Variants in SLCO1B1 observed in about 807,000 individuals in gnomAD.
The protein encoded by SLCO1B1 is solute carrier organic anion transporter family member 1B1, also known as OATP-2.
In SLCO1B1, 81 loss-of-function variants were observed where a neutral mutation model predicts 70.1. The ratio of observed to expected loss-of-function variants is 1.16; its 90% confidence interval spans 0.97 to 1.39. SLCO1B1 has a LOEUF of 1.39. Among genes scored for constraint, SLCO1B1 ranks in the 40% most tolerant of loss-of-function variants. SLCO1B1 has a pLI of 0.00. For synonymous variants in SLCO1B1, 283 were observed against 271.5 expected (o/e 1.04, Z -0.42); for missense variants, 895 against 799.6 (o/e 1.12, Z -1.44).
chr12:21,229,792 C>T (rs1243710004), intron 14 of SLCO1B1, among the ~76,000 whole-genome samples: 1 of 152,172 alleles, frequency 6.6e-6, no homozygotes, highest in Non-Finnish European at 1.5e-5. Context: ...TCTACTTAGA[C>T]AATTATGTCA....
At chr12:21,171,304 TAA>T (rs1385433319) in intron 2 of SLCO1B1, among the ~76,000 whole-genome samples, 2 of 152,170 alleles carry the variant, frequency 1.3e-5, no homozygotes, top group Non-Finnish European at 2.9e-5. Flanking sequence ...CAACAAGGTC[TAA>T]TGTAGCTGGA....
At chr12:21,185,139 AAAAAC>A (rs1344223546) in intron 7 of SLCO1B1, among the ~76,000 whole-genome samples, 1 of 152,146 alleles carries the variant, frequency 6.6e-6, no homozygotes, top group East Asian at 1.9e-4. Context: ...TAAGGAAACT[AAAAAC>A]AGACAGCCAC....
intron 2 of SLCO1B1, among the ~76,000 whole-genome samples, chr12:21,170,377 C>T (rs762540072): frequency 4.6e-5 from 7 of 151,366 alleles, no homozygotes; most frequent in Non-Finnish European, 8.8e-5. Context: ...CTCACAGAGG[C>T]ATTTAGTACA....
intron 1 of SLCO1B1, among the ~76,000 whole-genome samples, chr12:21,137,881 C>G (rs1052733729): frequency 5.9e-5 from 9 of 152,180 alleles, no homozygotes; most frequent in Admixed American, 4.6e-4. Context: ...GTGAGATGAA[C>G]CCGGTACCTC....
intron 14 of SLCO1B1, among the ~76,000 whole-genome samples, chr12:21,233,571 C>CAAAAAAAAAAAAA (rs60313934): frequency 7.3e-6 from 1 of 137,610 alleles, no homozygotes; most frequent in African/African-American, 2.7e-5. Flanking sequence ...AACAAACAAA[C>CAAAAAAAAAAAAA]AAAAAAAAAA....
At chr12:21,177,155 C>T (rs1940832589) in intron 5 of SLCO1B1, among the ~76,000 whole-genome samples, 1 of 152,122 alleles carries the variant, frequency 6.6e-6, no homozygotes, top group South Asian at 2.1e-4. Flanking sequence ...GAATATCTGA[C>T]ATTTTCTATA....
chr12:21,170,910 C>T (rs575609906), intron 2 of SLCO1B1, among the ~76,000 whole-genome samples: 14 of 152,276 alleles, frequency 9.2e-5, no homozygotes, highest in African/African-American at 3.4e-4. Flanking sequence ...GGCCTAGGGC[C>T]AGACACAGAG....
At chr12:21,200,785 T>C in intron 9 of SLCO1B1, 113 bp downstream of exon 9, 1 of 836,844 alleles carries the variant, frequency 1.2e-6, no homozygotes, top group Non-Finnish European at 1.8e-6. Context: ...ACAGGATAAG[T>C]ATAATTTTCT....
At chr12:21,214,532 C>T (rs1199570393) in intron 11 of SLCO1B1, among the ~76,000 whole-genome samples, 1 of 150,720 alleles carries the variant, frequency 6.6e-6, no homozygotes, top group African/African-American at 2.4e-5. Context: ...TGTGCCCTGC[C>T]CCCAGAGGTG....
intron 2 of SLCO1B1, among the ~76,000 whole-genome samples, chr12:21,169,247 A>C (rs776496164): frequency 1.3e-5 from 2 of 152,038 alleles, no homozygotes; most frequent in Non-Finnish European, 2.9e-5. Flanking sequence ...CTTATTTGGA[A>C]TTACTTGAGC....
At chr12:21,149,463 G>A (rs917309035) in intron 2 of SLCO1B1, among the ~76,000 whole-genome samples, 14 of 152,086 alleles carry the variant, frequency 9.2e-5, no homozygotes, top group African/African-American at 3.4e-4. Flanking sequence ...AAAGATCAAC[G>A]CAGAAGGTGG....
rs370277368 is a variant in SLCO1B1 at position 21,149,934 on chromosome 12, C to G, written c.84+8276C>G. 4.6e-5 allele frequency among the ~76,000 whole-genome samples: 7 copies of G among 152,288 alleles called. No individual in the cohort carries two copies. The East Asian group carries it at 1.4e-3, about 29-fold the overall frequency. ...TGGATCCCACCCCCATAGAGCCCAGCAAGCTGAGATCCACTGGCTTGAAAT... is the reference window on the plus strand; with the variant it reads ...TGGATCCCACCCCCATAGAGCCCAGGAAGCTGAGATCCACTGGCTTGAAAT... On this transcript the variant is annotated intron_variant, in intron 2 of 14. Transcript: ENST00000256958.
chr12:21,170,054 A>G (rs1206368041), intron 2 of SLCO1B1, among the ~76,000 whole-genome samples: 1 of 152,142 alleles, frequency 6.6e-6, no homozygotes, highest in Non-Finnish European at 1.5e-5. Flanking sequence ...CTGGGGCTGC[A>G]TTAAATTGTT....
intron 1 of SLCO1B1, among the ~76,000 whole-genome samples, chr12:21,136,834 C>T (rs1335077094): frequency 1.3e-5 from 2 of 152,198 alleles, no homozygotes; most frequent in Non-Finnish European, 2.9e-5. Flanking sequence ...CTCAACTTGT[C>T]AAAGTCATTC....
At chr12:21,191,358 T>C (rs1363729313) in intron 7 of SLCO1B1, among the ~76,000 whole-genome samples, 1 of 149,532 alleles carries the variant, frequency 6.7e-6, no homozygotes, top group African/African-American at 2.4e-5. Context: ...CTTAAATTTA[T>C]TTTTGTGTTT....
At chr12:21,151,910 A>G (rs938575273) in intron 2 of SLCO1B1, among the ~76,000 whole-genome samples, 1 of 151,774 alleles carries the variant, frequency 6.6e-6, no homozygotes, top group East Asian at 1.9e-4. Flanking sequence ...ATGGACTTCC[A>G]GGATCTGTGG....
intron 7 of SLCO1B1, among the ~76,000 whole-genome samples, chr12:21,192,176 G>C (rs1941036461): frequency 6.6e-6 from 1 of 151,932 alleles, no homozygotes; most frequent in South Asian, 2.1e-4. Flanking sequence ...CAAGAGATTG[G>C]AATGGATTGC....
At chr12:21,170,272 T>G (rs1037612629) in intron 2 of SLCO1B1, among the ~76,000 whole-genome samples, 4 of 152,218 alleles carry the variant, frequency 2.6e-5, no homozygotes, top group Non-Finnish European at 5.9e-5. Context: ...AGAAAGACTC[T>G]AGTGAGAGAG....
At position 21,178,664 on chromosome 12, in the gene SLCO1B1, A is replaced by G. The variant is rs1940852447; in HGVS notation, c.570A>G (p.Pro190=). 1 of 1,606,570 alleles carries G rather than the reference A, an allele frequency of 6.2e-7. No homozygotes were observed. The highest frequency in any genetic ancestry group is 1.1e-5 in the South Asian group (1 of 91,000). The change falls in exon 6 of 15, where the codon CCA becomes CCG. Residue 190 remains proline (P), a synonymous_variant. Coordinates refer to ENST00000256958, the MANE Select transcript of SLCO1B1 (RefSeq NM_006446.5). The part of the protein sequence containing the change: ...LRGIGETPIV[P]LGLSYIDDFA... ...GAATAGGGGAGACTCCCATAGTACC[A>G]TTGGGGCTTTCTTACATTGATGATT...
Sources: allele counts gnomAD v4.1 joint callset (sites outside exome capture counted in the v4.1 genomes callset), GRCh38; gene constraint gnomAD v4.1.1; transcripts MANE v1.5; gene names NCBI Gene and HGNC (gene_info 2026-07-23, HGNC 2026-07-21).